ARFGEF3: variants seen among roughly 807,000 people sequenced by gnomAD.
ARFGEF3 encodes brefeldin A-inhibited guanine nucleotide-exchange protein 3.
Under a neutral mutation model 221.7 loss-of-function variants are expected in ARFGEF3, and 96 were observed. The ratio of observed to expected loss-of-function variants is 0.43; its 90% confidence interval spans 0.37 to 0.51. The LOEUF (loss-of-function observed/expected upper bound fraction) is 0.51. ARFGEF3 is among the 20% of genes least tolerant of loss of function. The pLI is 0.00. For synonymous variants in ARFGEF3, 1,145 were observed against 1,126.8 expected, an observed-to-expected ratio of 1.02 and a Z score of -0.32; for missense variants, 2,410 against 2,789.9, an observed-to-expected ratio of 0.86 and a Z score of 3.07.
At chr6:138,323,969 AG>A (rs1780082291) in intron 30 of ARFGEF3, 53 bp from the exon 31 acceptor site, 1 of 1,596,042 alleles carries the variant, frequency 6.3e-7, no homozygotes, top group Admixed American at 1.7e-5. Flanking sequence ...TCCAAGACTG[AG>A]CCCGGCCCAT....
At chr6:138,234,538 G>A (rs975114249) in intron 5 of ARFGEF3, among the ~76,000 whole-genome samples, 1 of 151,884 alleles carries the variant, frequency 6.6e-6, no homozygotes, top group African/African-American at 2.4e-5. Flanking sequence ...TTGATGAGAT[G>A]CCTCTTGCCA....
intron 14 of ARFGEF3, 124 bp downstream of exon 14, chr6:138,280,288 C>T: frequency 1.1e-6 from 1 of 892,552 alleles, no homozygotes; most frequent in Admixed American, 2.5e-5. Flanking sequence ...CAAAGCTTCC[C>T]TGGCAATGGT....
At chr6:138,165,273 G>A (rs542177573) in intron 1 of ARFGEF3, among the ~76,000 whole-genome samples, 2 of 151,812 alleles carry the variant, frequency 1.3e-5, no homozygotes, top group African/African-American at 2.4e-5. Context: ...ACCCTCATGG[G>A]AGAGAGATCA....
chr6:138,266,871 G>A (rs1223466779), intron 12 of ARFGEF3, among the ~76,000 whole-genome samples: 1 of 95,658 alleles, frequency 1.0e-5, no homozygotes, highest in Admixed American at 1.1e-4. Context: ...AAAAAGATGT[G>A]CAATAGTTCA....
At chr6:138,190,205 A>G (rs1448223612) in intron 2 of ARFGEF3, among the ~76,000 whole-genome samples, 1 of 150,642 alleles carries the variant, frequency 6.6e-6, no homozygotes, top group Non-Finnish European at 1.5e-5. Context: ...TTGTGAACCA[A>G]GCAGGATAAA....
intron 2 of ARFGEF3, among the ~76,000 whole-genome samples, chr6:138,200,871 C>T (rs1438105640): frequency 6.6e-6 from 1 of 152,224 alleles, no homozygotes; most frequent in African/African-American, 2.4e-5. Flanking sequence ...AAGGAATAGT[C>T]AGCAGAGTAA....
At chr6:138,315,195 C>T (rs539664241) in intron 26 of ARFGEF3, among the ~76,000 whole-genome samples, 6 of 152,304 alleles carry the variant, frequency 3.9e-5, no homozygotes, top group Admixed American at 1.3e-4. Flanking sequence ...AAGAGAGACT[C>T]TATTTGTGAC....
intron 28 of ARFGEF3, among the ~76,000 whole-genome samples, 181 bp downstream of exon 28, chr6:138,320,060 A>T (rs1779995211): frequency 6.6e-6 from 1 of 152,234 alleles, no homozygotes; most frequent in African/African-American, 2.4e-5. Context: ...GAGAAAATTC[A>T]TACCCATGTG....
intron 2 of ARFGEF3, among the ~76,000 whole-genome samples, chr6:138,205,455 C>T (rs1777609476): frequency 1.3e-5 from 2 of 152,260 alleles, no homozygotes; most frequent in Admixed American, 1.3e-4. Flanking sequence ...GTTAGCCTAC[C>T]ATCTGCCCTT....
In ARFGEF3 at chr6:138,286,752, A is replaced by C; in HGVS notation, c.2621A>C (p.Asp874Ala). 6.2e-7 allele frequency: 1 copy of C among 1,614,038 alleles called. No individual in the cohort carries two copies. The highest frequency in any genetic ancestry group is 8.5e-7 in the Non-Finnish European group (1 of 1,179,910). ...ILVGCWKNLI[D>A]TLSTPLTGRM... ...GTGGGCTGCTGGAAGAACTTGATCG[A>C]TACTTTATCAACCCCACTGACTGGT... Residue 874 changes from aspartate to alanine, a missense_variant, in exon 16 of 34, where the codon GAT becomes GCT. Around this residue, in one of 5 missense-constraint regions of ARFGEF3, gnomAD observed 594 missense variants for 734.3 expected, o/e 0.81. Coordinates refer to ENST00000251691, the MANE Select transcript of ARFGEF3 (RefSeq NM_020340.5).
chr6:138,269,574 C>A (rs1778960453), intron 12 of ARFGEF3, among the ~76,000 whole-genome samples: 1 of 152,146 alleles, frequency 6.6e-6, no homozygotes, highest in South Asian at 2.1e-4. Context: ...CTTTGGGAGG[C>A]AGGGGTGGCA....
intron 26 of ARFGEF3, among the ~76,000 whole-genome samples, chr6:138,314,666 C>G (rs1779888746): frequency 6.6e-6 from 1 of 152,166 alleles, no homozygotes; most frequent in Admixed American, 6.5e-5. Flanking sequence ...GATAGACATT[C>G]ACGTTCTAAA....
chr6:138,257,218 C>T (rs369315781), intron 10 of ARFGEF3, among the ~76,000 whole-genome samples: 12 of 152,246 alleles, frequency 7.9e-5, no homozygotes, highest in African/African-American at 2.9e-4. Flanking sequence ...GAGACTAGAC[C>T]ACACTTCACC....
Position 138,162,251 on chromosome 6 carries a change from T to C in ARFGEF3, c.85+80T>C. On this transcript the variant is annotated intron_variant, in intron 1 of 33. Transcript: ENST00000251691. This position sits in a 1 kb window ranked among gnomAD's most constrained non-coding sequence, Gnocchi z 4.7. ...ACCCGCGCCTCCGCGCGTGGGGCTT[T>C]CGCGGAGCGTCGGTCATGGGTGCCG... is the stretch of plus-strand genomic sequence containing the variant. 3.0e-6 allele frequency: 3 copies of C among 1,001,400 alleles called. No individual in the cohort carries two copies. The allele number at this position is 1,001,400 out of a possible 1,614,324, so 62.0% of individuals were successfully genotyped here. A position where few individuals can be genotyped will look rare whatever the true frequency, so the allele number is the denominator to read the frequency against.
At position 138,263,298 on chromosome 6, in the gene ARFGEF3, G is replaced by GTC; in HGVS notation, c.1815_1816insTC (p.Thr606SerfsTer33). 6.2e-7 allele frequency: 1 copy of GTC among 1,613,958 alleles called. No homozygotes were observed. Among genetic ancestry groups the GTC allele is most frequent in the Non-Finnish European group, 8.5e-7 (1 of 1,179,888 alleles). On this transcript the variant is annotated frameshift_variant, in exon 12 of 34. Coordinates refer to ENST00000251691, the MANE Select transcript of ARFGEF3 (RefSeq NM_020340.5). LOFTEE classifies it high-confidence loss of function. ...GCGTTGATGACCAAGACCTTTCTAG[G>GTC]ACAGAGTTTGATTCCTGTGATCAGT...
At chr6:138,212,131 A>G (rs1777738717) in intron 4 of ARFGEF3, among the ~76,000 whole-genome samples, 1 of 152,248 alleles carries the variant, frequency 6.6e-6, no homozygotes, top group South Asian at 2.1e-4. Flanking sequence ...AAGTCTGTAT[A>G]CATTGTGGAA....
rs1378318664 is a variant in ARFGEF3, at chr6:138,162,951, A to G, written c.85+780A>G. ...TGATGCTTTTTAGAAAGGAAAGGCC[A>G]AGAAGAAGCCAGCGCAGCTAGCTCT... is the stretch of plus-strand genomic sequence containing the variant. On this transcript the variant is annotated intron_variant, in intron 1 of 33. Coordinates refer to ENST00000251691, the MANE Select transcript of ARFGEF3 (RefSeq NM_020340.5). The surrounding 1 kb of genome is among the most constrained non-coding windows in gnomAD (Gnocchi z 4.7). Among the ~76,000 whole-genome samples, 2 of 152,212 alleles carry G rather than the reference A, an allele frequency of 1.3e-5. No homozygotes were observed. The highest frequency in any genetic ancestry group is 1.5e-5 in the Non-Finnish European group (1 of 68,034).
At chr6:138,323,125 G>C (rs1331845857) in intron 29 of ARFGEF3, among the ~76,000 whole-genome samples, 1 of 152,126 alleles carries the variant, frequency 6.6e-6, no homozygotes, top group Non-Finnish European at 1.5e-5. Flanking sequence ...TTGCATACAA[G>C]TCTACGTTTA....
chr6:138,321,697 G>C (rs894003962), intron 29 of ARFGEF3, among the ~76,000 whole-genome samples: 3 of 152,094 alleles, frequency 2.0e-5, no homozygotes, highest in African/African-American at 7.2e-5. Flanking sequence ...TAAAAATAGA[G>C]GTATCATACA....
Sources: allele counts gnomAD v4.1 joint callset (sites outside exome capture counted in the v4.1 genomes callset), GRCh38; gene constraint gnomAD v4.1.1; regional missense constraint gnomAD v4.1.1; non-coding constraint Gnocchi (gnomAD v3.1); transcripts MANE v1.5; gene names NCBI Gene and HGNC (gene_info 2026-07-23, HGNC 2026-07-21).